Variants in KIF26B observed in about 807,000 individuals in gnomAD.
The protein encoded by KIF26B is kinesin family member 26B.
A neutral mutation model predicts 151.2 loss-of-function variants in KIF26B; 63 were observed. The ratio of observed to expected loss-of-function variants is 0.42; its 90% confidence interval spans 0.34 to 0.51. KIF26B has a LOEUF of 0.51. KIF26B is among the 20% of genes least tolerant of loss of function. The pLI, the probability that KIF26B is intolerant of heterozygous loss-of-function variation, is 0.07. For missense variants in KIF26B, 2,813 were observed against 2,913.6 expected (o/e 0.97, Z 0.79); for synonymous variants, 1,357 against 1,262.1 (o/e 1.08, Z -1.59).
chr1:245,705,271 T>C lies in KIF26B; in HGVS notation c.*2665T>C, dbSNP rs992341420. The C allele has an allele frequency of 3.5e-4, 53 of 152,276 alleles. No individual in the cohort carries two copies. Among genetic ancestry groups the C allele is most frequent in the African/African-American group, 1.3e-3 (52 of 41,538 alleles). The allele number at this position is 152,276 out of a possible 1,614,324, so 9.4% of individuals were successfully genotyped here. A position where few individuals can be genotyped will look rare whatever the true frequency, so the allele number is the denominator to read the frequency against. On this transcript the variant is annotated 3_prime_UTR_variant, in exon 15 of 15. Transcript: ENST00000407071. ...TTGATGTTGTCCATTCTCTCTCTCT[T>C]CTCTTTGCTTTTTTTTGACCTAAAT...
chr1:245,501,882 A>C (rs763021828), intron 4 of KIF26B, among the ~76,000 whole-genome samples: 10 of 152,122 alleles, frequency 6.6e-5, no homozygotes, highest in Non-Finnish European at 1.3e-4. Context: ...TGCTACCCTG[A>C]TATTTTGGTA....
intron 5 of KIF26B, among the ~76,000 whole-genome samples, chr1:245,570,548 G>A (rs1167527087): frequency 1.3e-5 from 2 of 152,184 alleles, no homozygotes; most frequent in Non-Finnish European, 2.9e-5. Context: ...ATGAATTCAT[G>A]TCTGTTCCCT....
At chr1:245,481,955 A>G (rs1660176576) in intron 4 of KIF26B, among the ~76,000 whole-genome samples, 1 of 151,590 alleles carries the variant, frequency 6.6e-6, no homozygotes, top group African/African-American at 2.4e-5. Flanking sequence ...GTGTACTTTT[A>G]CCATCCTAGA....
intron 2 of KIF26B, among the ~76,000 whole-genome samples, chr1:245,316,841 C>T (rs1027972380): frequency 3.7e-3 from 329 of 89,496 alleles, no homozygotes; most frequent in African/African-American, 0.019. Context: ...GTTCAAGGAC[C>T]CTCACAATCA....
At chr1:245,175,951 TATCTATATCTATATATATAGAC>T (rs1206380858) in intron 2 of KIF26B, among the ~76,000 whole-genome samples, 3 of 147,246 alleles carry the variant, frequency 2.0e-5, no homozygotes, top group African/African-American at 7.4e-5. Flanking sequence ...TATATATAGA[TATCTATATCTATATATATAGAC>T]ATCTATATAT....
chr1:245,432,545 T>C (rs1375483972), intron 4 of KIF26B, among the ~76,000 whole-genome samples: 1 of 152,244 alleles, frequency 6.6e-6, no homozygotes, highest in Non-Finnish European at 1.5e-5. Context: ...CCTGTCTCGC[T>C]GAAAACCCAT....
In KIF26B at chr1:245,367,185, G is replaced by A; in HGVS notation, c.817G>A (p.Val273Ile). 2 of 1,608,366 alleles carry A rather than the reference G, an allele frequency of 1.2e-6. No homozygotes were observed. The highest frequency in any genetic ancestry group is 1.1e-5 in the South Asian group (1 of 89,746). ...KHGSKPSSLG[V>I]SNGAEKKSGS... The stretch of plus-strand genomic sequence containing the variant: ...CGGCAGCAAACCCAGCAGCCTTGGG[G>A]TCAGCAATGGGGCGGAAAAGAAGAG... The change falls in exon 3 of 15, where the codon GTC becomes ATC. Residue 273 changes from valine to isoleucine, a missense_variant. This residue lies in a region of KIF26B where 676 missense variants were observed against 688.1 expected (regional missense o/e 0.98). Coordinates refer to ENST00000407071, the MANE Select transcript of KIF26B (RefSeq NM_018012.4). The surrounding 1 kb of genome is among the most constrained non-coding windows in gnomAD (Gnocchi z 4.2).
intron 4 of KIF26B, among the ~76,000 whole-genome samples, chr1:245,534,431 G>T (rs1281508544): frequency 6.6e-6 from 1 of 152,116 alleles, no homozygotes; most frequent in Non-Finnish European, 1.5e-5. Context: ...AGAGTGCTGG[G>T]ATTACAGGTG....
chr1:245,681,233 A>G (rs1239824086), intron 10 of KIF26B, among the ~76,000 whole-genome samples: 1 of 146,420 alleles, frequency 6.8e-6, no homozygotes, highest in Non-Finnish European at 1.5e-5. Flanking sequence ...TTTTTGAGAC[A>G]GAGTCTCGCT....
chr1:245,480,843 T>G (rs1361381786), intron 4 of KIF26B, among the ~76,000 whole-genome samples: 1 of 151,074 alleles, frequency 6.6e-6, no homozygotes, highest in Non-Finnish European at 1.5e-5. Context: ...TTAGAATCAT[T>G]AAATATTCTC....
chr1:245,174,580 C>T (rs1043885962), intron 2 of KIF26B, among the ~76,000 whole-genome samples: 17 of 152,128 alleles, frequency 1.1e-4, no homozygotes, highest in African/African-American at 3.1e-4. Context: ...AATCATAGCT[C>T]GCTGTAACCT....
chr1:245,616,426 G>A (rs1180421708), intron 9 of KIF26B, among the ~76,000 whole-genome samples: 2 of 152,196 alleles, frequency 1.3e-5, no homozygotes, highest in African/African-American at 4.8e-5. Flanking sequence ...AACGACGCGT[G>A]TACTGGGCAC....
intron 9 of KIF26B, among the ~76,000 whole-genome samples, chr1:245,614,378 T>C (rs1221868583): frequency 2.0e-5 from 3 of 152,204 alleles, no homozygotes; most frequent in Non-Finnish European, 4.4e-5. Flanking sequence ...TTTCACCATA[T>C]TGGCCAGGAT....
At chr1:245,245,902 G>A (rs1558359999) in intron 2 of KIF26B, among the ~76,000 whole-genome samples, 1 of 143,582 alleles carries the variant, frequency 7.0e-6, no homozygotes, top group Non-Finnish European at 1.5e-5. Context: ...GTCCAGCCTG[G>A]GTGACAGAGT....
intron 2 of KIF26B, among the ~76,000 whole-genome samples, chr1:245,276,948 C>T (rs576792343): frequency 3.3e-5 from 5 of 151,996 alleles, no homozygotes; most frequent in Non-Finnish European, 7.4e-5. Flanking sequence ...TAGGGTGGAA[C>T]CTGATTTCAA....
intron 2 of KIF26B, among the ~76,000 whole-genome samples, chr1:245,336,732 G>C (rs1159756286): frequency 6.6e-6 from 1 of 152,122 alleles, no homozygotes; most frequent in Admixed American, 6.5e-5. Context: ...GAATACATCT[G>C]ATACCCTATG....
At chr1:245,175,688 T>C (rs1158502531) in intron 2 of KIF26B, among the ~76,000 whole-genome samples, 4 of 152,214 alleles carry the variant, frequency 2.6e-5, no homozygotes, top group East Asian at 1.9e-4. Flanking sequence ...TGATTAAAAA[T>C]AGTGAAGAGA....
At position 245,293,919 on chromosome 1, in the gene KIF26B, G is replaced by T. The variant is rs151324001; in HGVS notation, c.466-72915G>T. Reference sequence around the variant, plus strand: ...TTTGTTTAGGAAAATGTATAAAATGGAATGTAGTCATTTTGCTTTGTCTTC... The same window carrying T: ...TTTGTTTAGGAAAATGTATAAAATGTAATGTAGTCATTTTGCTTTGTCTTC... On this transcript the variant is annotated intron_variant, in intron 2 of 14. Transcript: ENST00000407071. Among the ~76,000 whole-genome samples, 459 of 152,268 alleles carry T rather than the reference G, an allele frequency of 3.0e-3. 3 individuals are homozygous for T. The highest frequency in any genetic ancestry group is 0.01 in the African/African-American group (436 of 41,564).
At chr1:245,533,966 A>G (rs1661435312) in intron 4 of KIF26B, among the ~76,000 whole-genome samples, 1 of 152,144 alleles carries the variant, frequency 6.6e-6, no homozygotes, top group South Asian at 2.1e-4. Context: ...AGTTCATTTC[A>G]GTTCTAAACT....
Sources: gnomAD v4.1 joint callset for allele counts (sites outside exome capture counted in the v4.1 genomes callset) on GRCh38, gnomAD v4.1.1 for gene constraint, gnomAD v4.1.1 regional missense constraint, Gnocchi (gnomAD v3.1) non-coding constraint, MANE v1.5 for transcripts, NCBI Gene and HGNC (gene_info 2026-07-23, HGNC 2026-07-21) for gene names.